Variants in TYW1B observed in about 807,000 individuals in gnomAD.
The protein encoded by TYW1B is S-adenosyl-L-methionine-dependent tRNA 4-demethylwyosine synthase TYW1B.
TYW1B carries 73 observed loss-of-function variants against 86.9 expected under a neutral mutation model. The ratio of observed to expected loss-of-function variants is 0.84; its 90% confidence interval spans 0.70 to 1.02. TYW1B has a LOEUF of 1.02. TYW1B is among the 50% of genes least tolerant of loss of function. The pLI is 0.00. For synonymous variants in TYW1B, 248 were observed against 292.8 expected, an observed-to-expected ratio of 0.85 and a Z score of 1.56; for missense variants, 637 against 827.4, an observed-to-expected ratio of 0.77 and a Z score of 2.82.
intron 7 of TYW1B, among the ~76,000 whole-genome samples, chr7:72,756,034 G>A (rs1359038933): frequency 6.6e-6 from 1 of 152,054 alleles, no homozygotes; most frequent in Non-Finnish European, 1.5e-5. Context: ...GGGAGAGACA[G>A]GGCTCACACT....
chr7:72,745,795 C>T (rs1465482388), intron 7 of TYW1B, among the ~76,000 whole-genome samples: 4 of 150,986 alleles, frequency 2.6e-5, no homozygotes, highest in South Asian at 2.1e-4. Flanking sequence ...ATACCAACAA[C>T]GAACAAGCAG....
At chr7:72,617,843 T>A (rs1248502286) in intron 12 of TYW1B, among the ~76,000 whole-genome samples, 1 of 152,166 alleles carries the variant, frequency 6.6e-6, no homozygotes, top group Non-Finnish European at 1.5e-5. Flanking sequence ...GAAAGTTAAA[T>A]TATCTAACTC....
intron 12 of TYW1B, among the ~76,000 whole-genome samples, chr7:72,624,873 C>T (rs1435380258): frequency 6.6e-6 from 1 of 152,114 alleles, no homozygotes; most frequent in Non-Finnish European, 1.5e-5. Context: ...GCCTGGGCAA[C>T]ATGGCAAGAC....
At chr7:72,721,566 C>G (rs1786901955) in intron 9 of TYW1B, among the ~76,000 whole-genome samples, 2 of 152,034 alleles carry the variant, frequency 1.3e-5, no homozygotes, top group South Asian at 4.1e-4. Context: ...CAGGACATTT[C>G]AACAGCAAAT....
In TYW1B at chr7:72,704,043, A is replaced by G. The variant is rs1244169807; in HGVS notation, c.1371-9221T>C. 2.6e-5 allele frequency among the ~76,000 whole-genome samples: 4 copies of G among 152,070 alleles called. No individual in the cohort carries two copies. The East Asian group carries it at 7.7e-4, about 29-fold the overall frequency. On this transcript the variant is annotated intron_variant, in intron 10 of 13. Transcript: ENST00000620995. The stretch of plus-strand genomic sequence containing the variant: ...TCTACTACTGTTCCTCCCGCTTTGT[A>G]GTCTGTCATTCTTGAGACTATATTA...
chr7:72,799,319 C>T (rs1359051897), intron 6 of TYW1B, among the ~76,000 whole-genome samples: 6 of 146,668 alleles, frequency 4.1e-5, no homozygotes, highest in African/African-American at 1.3e-4. Flanking sequence ...CCACTATGCC[C>T]GGCTAATTTT....
chr7:72,816,271 G>C (rs1372944451), intron 2 of TYW1B, among the ~76,000 whole-genome samples: 3 of 152,082 alleles, frequency 2.0e-5, no homozygotes, highest in Non-Finnish European at 4.4e-5. Flanking sequence ...AGCTACTCGG[G>C]AGGCTGAGGC....
chr7:72,639,937 A>G (rs1812764476), intron 11 of TYW1B, among the ~76,000 whole-genome samples: 1 of 152,160 alleles, frequency 6.6e-6, no homozygotes, highest in Non-Finnish European at 1.5e-5. Context: ...TGTACAACAA[A>G]AACAGCATAA....
At chr7:72,804,218 G>C (rs1788454594) in intron 5 of TYW1B, among the ~76,000 whole-genome samples, 1 of 150,834 alleles carries the variant, frequency 6.6e-6, no homozygotes, top group Non-Finnish European at 1.5e-5. Context: ...CCAGGAGGTG[G>C]AGGTTGCAGT....
chr7:72,579,086 T>C (rs1204216849), intron 13 of TYW1B, among the ~76,000 whole-genome samples: 1 of 151,974 alleles, frequency 6.6e-6, no homozygotes, highest in African/African-American at 2.4e-5. Context: ...CAGTCAAAAA[T>C]ATACTTTATA....
chr7:72,659,577 C>CAAAGA (rs1554444189), intron 11 of TYW1B, among the ~76,000 whole-genome samples: 1 of 151,738 alleles, frequency 6.6e-6, no homozygotes, highest in East Asian at 1.9e-4. Flanking sequence ...GACTCTGTCT[C>CAAAGA]AAAGAAAAGA....
intron 2 of TYW1B, among the ~76,000 whole-genome samples, chr7:72,817,114 G>C (rs147733187): frequency 6.6e-6 from 1 of 152,170 alleles, no homozygotes; most frequent in African/African-American, 2.4e-5. Flanking sequence ...ATAGAAAAAG[G>C]ACAGGTTGGC....
chr7:72,674,498 TA>T (rs1554446978), intron 11 of TYW1B, among the ~76,000 whole-genome samples: 1 of 152,022 alleles, frequency 6.6e-6, no homozygotes, highest in Non-Finnish European at 1.5e-5. Context: ...ATTTTTTTTT[TA>T]ATTAGGTCTT....
chr7:72,808,549 CG>C (rs1246955386), intron 4 of TYW1B, among the ~76,000 whole-genome samples: 1 of 119,734 alleles, frequency 8.4e-6, no homozygotes, highest in Non-Finnish European at 1.7e-5. Flanking sequence ...TTTTTTGAGA[CG>C]GAGTTTCACT....
chr7:72,758,425 TAAACATTTTTTTCTCTTAGAAA>T (rs564389881), intron 7 of TYW1B, among the ~76,000 whole-genome samples: 1,598 of 152,102 alleles, frequency 0.011, 15 homozygotes, highest in East Asian at 0.07. Context: ...TATTCCTAAA[TAAACATTTTTTTCTCTTAGAAA>T]AAACATTTTT....
At chr7:72,729,157 C>T (rs1430610456) in intron 8 of TYW1B, among the ~76,000 whole-genome samples, 2 of 152,186 alleles carry the variant, frequency 1.3e-5, no homozygotes, top group Non-Finnish European at 2.9e-5. Flanking sequence ...TGTTGGGCAC[C>T]TAATTCACTC....
chr7:72,653,448 A>T (rs1320230914), intron 11 of TYW1B, among the ~76,000 whole-genome samples: 1 of 152,030 alleles, frequency 6.6e-6, no homozygotes, highest in East Asian at 1.9e-4. Context: ...TCTTCTAAAA[A>T]TACAAAAAAT....
intron 11 of TYW1B, among the ~76,000 whole-genome samples, chr7:72,655,429 AC>A (rs1813177735): frequency 6.6e-6 from 1 of 151,820 alleles, no homozygotes; most frequent in South Asian, 2.1e-4. Context: ...ATTGAGCTCA[AC>A]CCCCACCAGA....
chr7:72,719,368 C>T (rs1321900663), intron 9 of TYW1B, among the ~76,000 whole-genome samples: 1 of 151,596 alleles, frequency 6.6e-6, no homozygotes, highest in African/African-American at 2.4e-5. Flanking sequence ...TGGTGGCTCA[C>T]GCCTGTAATC....
Sources: gnomAD v4.1 joint callset for allele counts (sites outside exome capture counted in the v4.1 genomes callset) on GRCh38, gnomAD v4.1.1 for gene constraint, MANE v1.5 for transcripts, NCBI Gene and HGNC (gene_info 2026-07-23, HGNC 2026-07-21) for gene names.